CNTNAP2: variants seen among roughly 807,000 people sequenced by gnomAD.
The protein encoded by CNTNAP2 is contactin associated protein 2.
In CNTNAP2, 98 loss-of-function variants were observed where a neutral mutation model predicts 155.2. That is an observed-to-expected ratio of 0.63 (90% CI 0.54 to 0.75). The LOEUF (loss-of-function observed/expected upper bound fraction) is 0.75, where lower values mean the gene tolerates loss of function less well. Among genes scored for constraint, CNTNAP2 ranks in the 30% least tolerant of loss-of-function variants. The pLI, the probability that CNTNAP2 is intolerant of heterozygous loss-of-function variation, is 0.00. For missense variants in CNTNAP2, 1,727 were observed against 1,688.1 expected, an observed-to-expected ratio of 1.02 and a Z score of -0.40; for synonymous variants, 651 against 631.2, an observed-to-expected ratio of 1.03 and a Z score of -0.47.
chr7:146,307,481 T>A (rs1051099807), intron 1 of CNTNAP2, among the ~76,000 whole-genome samples: 1 of 152,090 alleles, frequency 6.6e-6, no homozygotes, highest in Non-Finnish European at 1.5e-5. Context: ...AAAAACTACT[T>A]TAAAGTTCAT....
intron 1 of CNTNAP2, among the ~76,000 whole-genome samples, chr7:146,644,913 C>A (rs549424600): frequency 2.0e-5 from 3 of 152,192 alleles, no homozygotes; most frequent in African/African-American, 4.8e-5. Context: ...CAAGGAGGAA[C>A]TGGTACCATT....
At chr7:147,556,481 T>A (rs1799954384) in intron 11 of CNTNAP2, among the ~76,000 whole-genome samples, 1 of 152,158 alleles carries the variant, frequency 6.6e-6, no homozygotes, top group African/African-American at 2.4e-5. Flanking sequence ...GAGGAGATTA[T>A]CCTGGATTAT....
intron 21 of CNTNAP2, among the ~76,000 whole-genome samples, chr7:148,360,549 AGTAAACACTTTTAAAAAC>A (rs1798599952): frequency 6.6e-6 from 1 of 151,940 alleles, no homozygotes; most frequent in African/African-American, 2.4e-5. Context: ...TAAACTCAAA[AGTAAACACTTTTAAAAAC>A]TTAAAAGTGT....
intron 21 of CNTNAP2, among the ~76,000 whole-genome samples, chr7:148,278,262 C>G (rs547321993): frequency 3.9e-5 from 6 of 151,948 alleles, no homozygotes; most frequent in African/African-American, 1.5e-4. Flanking sequence ...GTGACCTCCT[C>G]GATGTACTAA....
intron 10 of CNTNAP2, among the ~76,000 whole-genome samples, chr7:147,410,598 A>G (rs1797087180): frequency 6.6e-6 from 1 of 152,144 alleles, no homozygotes; most frequent in Non-Finnish European, 1.5e-5. Context: ...CTGGATTAAA[A>G]AGGAAAGCAG....
chr7:148,242,182 T>C (rs1796169936), intron 20 of CNTNAP2, among the ~76,000 whole-genome samples: 1 of 152,220 alleles, frequency 6.6e-6, no homozygotes, highest in African/African-American at 2.4e-5. Flanking sequence ...TGCAGTGCAC[T>C]AAAATCACTC....
intron 1 of CNTNAP2, among the ~76,000 whole-genome samples, chr7:146,482,978 T>A (rs1034380397): frequency 4.6e-5 from 7 of 151,630 alleles, no homozygotes; most frequent in Admixed American, 6.6e-5. Flanking sequence ...CTGGAAATTT[T>A]AAAAAAATAT....
At chr7:146,290,784 GTTTA>G (rs1270282504) in intron 1 of CNTNAP2, among the ~76,000 whole-genome samples, 1 of 152,184 alleles carries the variant, frequency 6.6e-6, no homozygotes, top group Non-Finnish European at 1.5e-5. Flanking sequence ...AATGAACTGA[GTTTA>G]TTTGCCTGCT....
chr7:147,850,367 A>G (rs527878334), intron 13 of CNTNAP2, among the ~76,000 whole-genome samples: 2 of 152,374 alleles, frequency 1.3e-5, no homozygotes, highest in African/African-American at 2.4e-5. Flanking sequence ...ATTCAGTGCC[A>G]TCCCAATCAA....
At chr7:147,523,658 TC>T (rs1394795963) in intron 11 of CNTNAP2, among the ~76,000 whole-genome samples, 1 of 152,126 alleles carries the variant, frequency 6.6e-6, no homozygotes, top group East Asian at 1.9e-4. Context: ...GCCCCCTGTA[TC>T]AGGGCATCCT....
chr7:147,614,944 A>G (rs1801253257), intron 12 of CNTNAP2, among the ~76,000 whole-genome samples: 1 of 151,848 alleles, frequency 6.6e-6, no homozygotes, highest in Admixed American at 6.6e-5. Context: ...AACTTGAATA[A>G]CTCAAGTTTC....
chr7:148,130,891 A>T (rs941987233), intron 16 of CNTNAP2, among the ~76,000 whole-genome samples: 47 of 152,304 alleles, frequency 3.1e-4, no homozygotes, highest in African/African-American at 1.1e-3. Flanking sequence ...AATTTTTACA[A>T]GACAATTCAT....
At chr7:146,222,841 A>T (rs1799230442) in intron 1 of CNTNAP2, among the ~76,000 whole-genome samples, 1 of 151,558 alleles carries the variant, frequency 6.6e-6, no homozygotes. Context: ...TATTTTTTTT[A>T]GTAGAGACGG....
intron 3 of CNTNAP2, among the ~76,000 whole-genome samples, chr7:146,858,870 T>A (rs1279366430): frequency 6.6e-6 from 1 of 152,230 alleles, no homozygotes; most frequent in African/African-American, 2.4e-5. Flanking sequence ...ATCATTTATT[T>A]GAAGTAATGT....
chr7:146,606,042 C>T (rs996156827), intron 1 of CNTNAP2, among the ~76,000 whole-genome samples: 4 of 152,086 alleles, frequency 2.6e-5, no homozygotes, highest in East Asian at 1.9e-4. Context: ...TTACATAGAA[C>T]ATTAATATGT....
chr7:147,982,529 T>C (rs10263964), intron 15 of CNTNAP2, among the ~76,000 whole-genome samples: 80,601 of 152,016 alleles, frequency 0.53, 22,162 homozygotes, highest in Middle Eastern at 0.74. Flanking sequence ...GTGACACATC[T>C]AGTTCTGGAA....
chr7:148,140,760 C>A (rs1046018370), intron 16 of CNTNAP2, among the ~76,000 whole-genome samples: 1 of 152,184 alleles, frequency 6.6e-6, no homozygotes, highest in Non-Finnish European at 1.5e-5. Context: ...TGGCCCTACC[C>A]CTAAAACACA....
intron 17 of CNTNAP2, among the ~76,000 whole-genome samples, chr7:148,164,068 G>A (rs1805602868): frequency 6.6e-6 from 1 of 152,118 alleles, no homozygotes; most frequent in African/African-American, 2.4e-5. Context: ...CCAACAAGCT[G>A]GGATTACAGG....
intron 13 of CNTNAP2, among the ~76,000 whole-genome samples, chr7:147,663,259 G>T (rs1338140729): frequency 6.6e-6 from 1 of 152,206 alleles, no homozygotes; most frequent in South Asian, 2.1e-4. Context: ...GCCTCCCAAC[G>T]TGCTGGGATT....
Sources: allele counts gnomAD v4.1 joint callset (sites outside exome capture counted in the v4.1 genomes callset), GRCh38; gene constraint gnomAD v4.1.1; transcripts MANE v1.5; gene names NCBI Gene and HGNC (gene_info 2026-07-23, HGNC 2026-07-21).